Variants in MCC observed in about 807,000 individuals in gnomAD.
The protein encoded by MCC is MCC regulator of Wnt signaling pathway.
In MCC, 90 loss-of-function variants were observed where a neutral mutation model predicts 116.2. The ratio of observed to expected loss-of-function variants is 0.77; its 90% CI spans 0.65 to 0.92. The LOEUF (loss-of-function observed/expected upper bound fraction) is 0.92, where lower values mean the gene tolerates loss of function less well. MCC is among the 40% of genes least tolerant of loss of function. The pLI is 0.00. For synonymous variants in MCC, 578 were observed against 510.5 expected (o/e 1.13, Z -1.78); for missense variants, 1,516 against 1,312.2 (o/e 1.16, Z -2.40).
chr5:113,376,574 T>TATATATACAC (rs10633405), intron 2 of MCC, among the ~76,000 whole-genome samples: 1 of 145,774 alleles, frequency 6.9e-6, no homozygotes, highest in African/African-American at 2.6e-5. Flanking sequence ...CCATATTTTA[T>TATATATACAC]ACACACACAC....
chr5:113,118,959 G>T (rs946386429), intron 6 of MCC, among the ~76,000 whole-genome samples: 2 of 152,114 alleles, frequency 1.3e-5, no homozygotes, highest in Admixed American at 6.5e-5. Context: ...ATTCCTGCTC[G>T]GCTGTGACCT....
chr5:113,261,821 T>C (rs1351546133), intron 3 of MCC, among the ~76,000 whole-genome samples: 3 of 152,206 alleles, frequency 2.0e-5, no homozygotes, highest in Non-Finnish European at 4.4e-5. Flanking sequence ...GCTGACAGAA[T>C]GGGCTTTGTC....
intron 17 of MCC, among the ~76,000 whole-genome samples, chr5:113,030,920 A>AATT (rs1365790915): frequency 6.6e-5 from 10 of 152,078 alleles, no homozygotes; most frequent in African/African-American, 2.2e-4. Flanking sequence ...ATATTTTTAC[A>AATT]ATTTTGTATA....
intron 1 of MCC, among the ~76,000 whole-genome samples, chr5:113,461,959 T>C (rs1056921085): frequency 2.0e-5 from 3 of 152,214 alleles, no homozygotes; most frequent in African/African-American, 4.8e-5. Flanking sequence ...TAAAAATTAT[T>C]ACATATGAAT....
At position 113,094,819 on chromosome 5, in the gene MCC, C is replaced by CATGA. The variant is rs1755907439; in HGVS notation, c.1398+6916_1398+6919dup. Among the ~76,000 whole-genome samples the CATGA allele has an allele frequency of 2.0e-5, 3 of 152,182 alleles. No homozygotes were observed. In the South Asian group the frequency reaches 6.2e-4, roughly 31 times the overall value. The stretch of plus-strand genomic sequence containing the variant: ...AAGCAGCCTGGCCTCCTCATAGGCA[C>CATGA]ATGAGGCTGGGGTGAGTAAGCAAAT... On this transcript the variant is annotated intron_variant, in intron 8 of 18. Transcript: ENST00000408903.
chr5:113,428,384 G>A (rs1319680014), intron 1 of MCC, among the ~76,000 whole-genome samples: 3 of 152,178 alleles, frequency 2.0e-5, no homozygotes, highest in African/African-American at 4.8e-5. Flanking sequence ...GCTGCCAGCA[G>A]GGTTGGCTGC....
intron 17 of MCC, among the ~76,000 whole-genome samples, chr5:113,037,567 C>T (rs774452121): frequency 6.6e-6 from 1 of 152,126 alleles, no homozygotes; most frequent in Non-Finnish European, 1.5e-5. Context: ...GTGGTGTGCA[C>T]CTGTAGTCCA....
intron 12 of MCC, among the ~76,000 whole-genome samples, chr5:113,070,688 G>C (rs1373788372): frequency 6.6e-6 from 1 of 152,140 alleles, no homozygotes; most frequent in East Asian, 1.9e-4. Flanking sequence ...AAACTTGTTG[G>C]AGGGGTTACA....
chr5:113,208,819 A>T (rs1005618599), intron 3 of MCC, among the ~76,000 whole-genome samples: 1 of 146,728 alleles, frequency 6.8e-6, no homozygotes, highest in African/African-American at 2.7e-5. Flanking sequence ...CTCAAAAGCA[A>T]TATGTCCCCA....
intron 14 of MCC, among the ~76,000 whole-genome samples, chr5:113,056,678 G>T (rs1176447487): frequency 6.6e-6 from 1 of 152,046 alleles, no homozygotes; most frequent in East Asian, 1.9e-4. Flanking sequence ...TCCATGACAT[G>T]AGTTTACCTA....
chr5:113,431,774 G>T (rs1440819372), intron 1 of MCC, among the ~76,000 whole-genome samples: 2 of 133,294 alleles, frequency 1.5e-5, no homozygotes, highest in African/African-American at 2.7e-5. Context: ...GGGGGGGGGG[G>T]GGTGGATCAC....
At chr5:113,044,765 G>C (rs993987992) in intron 16 of MCC, among the ~76,000 whole-genome samples, 2 of 152,136 alleles carry the variant, frequency 1.3e-5, no homozygotes, top group Admixed American at 1.3e-4. Context: ...GTAGAGACGG[G>C]GTTTCTCCAT....
At chr5:113,148,418 C>T (rs755390283) in intron 4 of MCC, among the ~76,000 whole-genome samples, 15 of 152,224 alleles carry the variant, frequency 9.9e-5, no homozygotes, top group Non-Finnish European at 2.1e-4. Context: ...TTTTATTCAA[C>T]CAGTTCCAGT....
intron 1 of MCC, among the ~76,000 whole-genome samples, chr5:113,443,213 A>G (rs553755521): frequency 6.6e-6 from 1 of 152,120 alleles, no homozygotes; most frequent in Non-Finnish European, 1.5e-5. Flanking sequence ...GGTCCTTCAC[A>G]TTGCTTGTAA....
chr5:113,091,305 C>T (rs1007340231), intron 8 of MCC, among the ~76,000 whole-genome samples: 1 of 152,186 alleles, frequency 6.6e-6, no homozygotes, highest in African/African-American at 2.4e-5. Flanking sequence ...ATTTGTAAAT[C>T]GCCCAGTATC....
chr5:113,396,836 G>C (rs996952143), intron 1 of MCC, among the ~76,000 whole-genome samples: 2 of 152,074 alleles, frequency 1.3e-5, no homozygotes, highest in African/African-American at 2.4e-5. Context: ...TAAATGAATA[G>C]CAATTTCTTC....
intron 1 of MCC, among the ~76,000 whole-genome samples, chr5:113,432,097 C>CTG (rs1193905380): frequency 2.6e-5 from 4 of 152,008 alleles, no homozygotes; most frequent in African/African-American, 9.7e-5. Context: ...GATCGTGCCA[C>CTG]TGCACTCCAG....
chr5:113,090,923 G>A (rs543138177), intron 8 of MCC, among the ~76,000 whole-genome samples: 1 of 152,340 alleles, frequency 6.6e-6, no homozygotes, highest in African/African-American at 2.4e-5. Context: ...TGAGAAAGAA[G>A]GCTGAAGGAG....
In MCC at chr5:113,273,597, A is replaced by G. The variant is rs573760275; in HGVS notation, c.627+66922T>C. Among the ~76,000 whole-genome samples, 15 of 152,304 alleles carry G rather than the reference A, an allele frequency of 9.8e-5. No individual in the cohort carries two copies. In the South Asian group the frequency reaches 3.1e-3, roughly 32 times the overall value. On this transcript the variant is annotated intron_variant, in intron 3 of 18. Transcript: ENST00000408903. ...AACATGAGAAACAGGATCAGGCCACATTTTAAAGAATTTAGATGTGTGTGT... is the reference window on the plus strand; with the variant it reads ...AACATGAGAAACAGGATCAGGCCACGTTTTAAAGAATTTAGATGTGTGTGT...
Sources: gnomAD v4.1 joint callset for allele counts (sites outside exome capture counted in the v4.1 genomes callset) on GRCh38, gnomAD v4.1.1 for gene constraint, MANE v1.5 for transcripts, NCBI Gene and HGNC (gene_info 2026-07-23, HGNC 2026-07-21) for gene names.